Variants in CCDC15 observed in about 807,000 individuals in gnomAD.
The protein encoded by CCDC15 is coiled-coil domain-containing protein 15.
In CCDC15, 105 loss-of-function variants were observed where a neutral mutation model predicts 114.5. The observed-to-expected ratio is 0.92, with a 90% CI of 0.78 to 1.08. The LOEUF is 1.08. CCDC15 is among the 50% of genes least tolerant of loss of function. The pLI is 0.00. For synonymous variants in CCDC15, 334 were observed against 377.8 expected, an observed-to-expected ratio of 0.88 and a Z score of 1.34; for missense variants, 1,105 against 1,093.6, an observed-to-expected ratio of 1.01 and a Z score of -0.15.
intron 13 of CCDC15, among the ~76,000 whole-genome samples, chr11:125,032,013 C>T (rs1357321896): frequency 6.6e-6 from 1 of 152,180 alleles, no homozygotes; most frequent in Admixed American, 6.5e-5. Flanking sequence ...ACCACTGGAC[C>T]CCTAGACATT....
chr11:124,996,207 A>G (rs1392033592), intron 11 of CCDC15, among the ~76,000 whole-genome samples: 2 of 152,134 alleles, frequency 1.3e-5, no homozygotes, highest in African/African-American at 4.8e-5. Flanking sequence ...TTTATATCAC[A>G]TTCATACTTA....
chr11:125,012,322 C>T (rs1948597994), intron 13 of CCDC15, among the ~76,000 whole-genome samples: 1 of 152,108 alleles, frequency 6.6e-6, no homozygotes, highest in Non-Finnish European at 1.5e-5. Flanking sequence ...ATAAGGGCTC[C>T]CCTCTTATCC....
rs1948174620 is a variant in CCDC15, at chr11:124,986,857, A to T, written c.869A>T (p.Glu290Val). The change falls in exon 7 of 16, where the codon GAA becomes GTA. Residue 290 changes from glutamate (E) to valine (V), a missense_variant. Physicochemically the swap from Glu to Val is moderately radical, Grantham distance 121 (BLOSUM62 -2). Coordinates refer to ENST00000344762, the MANE Select transcript of CCDC15 (RefSeq NM_025004.3). ...CAGGACCAGCAGGCTATCCATTCTG[A>T]AGATAAGAACAAACCTTTCAGCAGA... ...GQQDQQAIHS[E>V]DKNKPFSRVQ... The T allele has an allele frequency of 1.9e-6, 3 of 1,561,152 alleles. No individual in the cohort carries two copies. The highest frequency in any genetic ancestry group is 1.7e-6 in the Non-Finnish European group (2 of 1,152,558).
At chr11:124,986,674 T>TGA in intron 6 of CCDC15, 68 bp from the exon 7 acceptor site, 1 of 1,344,248 alleles carries the variant, frequency 7.4e-7, no homozygotes, top group African/African-American at 1.7e-5. Context: ...GTGCTGTGTG[T>TGA]GTGTGTGTGT....
chr11:124,971,911 C>T (rs1336719149), intron 4 of CCDC15, among the ~76,000 whole-genome samples: 1 of 151,916 alleles, frequency 6.6e-6, no homozygotes, highest in Non-Finnish European at 1.5e-5. Context: ...AGGATTTATT[C>T]CTCTTTCTCT....
intron 11 of CCDC15, among the ~76,000 whole-genome samples, chr11:124,995,318 C>A (rs912382724): frequency 9.9e-5 from 15 of 152,136 alleles, no homozygotes; most frequent in African/African-American, 3.6e-4. Context: ...TCCTTGCATT[C>A]TGTTTGTTGC....
chr11:124,973,310 A>AC (rs1274767774), intron 4 of CCDC15, among the ~76,000 whole-genome samples: 3 of 151,454 alleles, frequency 2.0e-5, no homozygotes, highest in African/African-American at 7.3e-5. Context: ...AATAACACCT[A>AC]CCTTAAGTGT....
chr11:124,996,334 A>G (rs538823405), intron 11 of CCDC15, among the ~76,000 whole-genome samples: 1 of 152,292 alleles, frequency 6.6e-6, no homozygotes, highest in South Asian at 2.1e-4. Context: ...AAGCTATCAC[A>G]CAATAACTGC....
At chr11:124,992,336 G>A (rs1392470900) in intron 9 of CCDC15, among the ~76,000 whole-genome samples, 1 of 152,190 alleles carries the variant, frequency 6.6e-6, no homozygotes, top group Admixed American at 6.5e-5. Flanking sequence ...CATGTACAAT[G>A]TAGGAACTAG....
chr11:124,956,013 A>G (rs1218370046), intron 2 of CCDC15, among the ~76,000 whole-genome samples: 1 of 152,182 alleles, frequency 6.6e-6, no homozygotes, highest in African/African-American at 2.4e-5. Context: ...GAGAGTAAGA[A>G]GTAAGCAAGG....
intron 13 of CCDC15, among the ~76,000 whole-genome samples, chr11:125,026,248 C>G (rs1335883983): frequency 6.6e-6 from 1 of 152,198 alleles, no homozygotes; most frequent in Admixed American, 6.5e-5. Context: ...TTCCAACCAC[C>G]TGGATGGACG....
intron 13 of CCDC15, among the ~76,000 whole-genome samples, chr11:125,017,078 A>C (rs1948633794): frequency 6.6e-6 from 1 of 152,222 alleles, no homozygotes; most frequent in Non-Finnish European, 1.5e-5. Context: ...CACATGATTT[A>C]ACTTGAAGAC....
At chr11:124,985,455 G>C (rs192470332) in intron 6 of CCDC15, among the ~76,000 whole-genome samples, 1 of 152,204 alleles carries the variant, frequency 6.6e-6, no homozygotes, top group Admixed American at 6.5e-5. Flanking sequence ...CAATATGTGA[G>C]GGTTCCAATT....
intron 4 of CCDC15, among the ~76,000 whole-genome samples, chr11:124,960,685 G>A (rs1417426692): frequency 6.6e-6 from 1 of 151,978 alleles, no homozygotes; most frequent in Non-Finnish European, 1.5e-5. Flanking sequence ...TTTATTTAAT[G>A]ACTCATTTTA....
intron 2 of CCDC15, among the ~76,000 whole-genome samples, chr11:124,958,773 G>A (rs945443232): frequency 6.6e-6 from 1 of 152,152 alleles, no homozygotes; most frequent in Non-Finnish European, 1.5e-5. Flanking sequence ...GGGCATGCCA[G>A]GTTAAAAATG....
At position 125,028,371 on chromosome 11, in the gene CCDC15, T is replaced by C. The variant is rs532343425; in HGVS notation, c.2412-10060T>C. On this transcript the variant is annotated intron_variant, in intron 13 of 15. Coordinates refer to ENST00000344762, the MANE Select transcript of CCDC15 (RefSeq NM_025004.3). ...TTTGGCAGTATCGTCATTTTAACAA[T>C]GTTGATTCTACCTATCCATGAGGAT... is the stretch of plus-strand genomic sequence containing the variant. Among the ~76,000 whole-genome samples, 4 of 152,340 alleles carry C rather than the reference T, an allele frequency of 2.6e-5. No homozygotes were observed. In the East Asian group the frequency reaches 7.7e-4, roughly 29 times the overall value.
intron 13 of CCDC15, among the ~76,000 whole-genome samples, chr11:125,012,835 G>T (rs556141289): frequency 1.3e-5 from 2 of 152,252 alleles, no homozygotes; most frequent in Admixed American, 1.3e-4. Flanking sequence ...TGTTCTATAT[G>T]CTGAGAATAT....
At chr11:125,005,909 G>A (rs1023546764) in intron 13 of CCDC15, among the ~76,000 whole-genome samples, 3 of 151,872 alleles carry the variant, frequency 2.0e-5, no homozygotes, top group East Asian at 1.9e-4. Flanking sequence ...TTTATTTTTA[G>A]CACTGAATAA....
chr11:125,028,546 A>G (rs1270881981), intron 13 of CCDC15, among the ~76,000 whole-genome samples: 2 of 151,800 alleles, frequency 1.3e-5, no homozygotes, highest in Non-Finnish European at 2.9e-5. Context: ...TGTTTTTGCC[A>G]CTGTTGTGAA....
Sources: allele counts gnomAD v4.1 joint callset (sites outside exome capture counted in the v4.1 genomes callset), GRCh38; gene constraint gnomAD v4.1.1; transcripts MANE v1.5; gene names NCBI Gene and HGNC (gene_info 2026-07-23, HGNC 2026-07-21).